Variants in IL6ST observed in about 807,000 individuals in gnomAD.
IL6ST encodes interleukin-6 receptor subunit beta.
In IL6ST, 24 loss-of-function variants were observed where a neutral mutation model predicts 91.3. The observed-to-expected ratio is 0.26, with a 90% CI of 0.19 to 0.37. IL6ST has a LOEUF of 0.37. Among genes scored for constraint, IL6ST ranks in the 10% least tolerant of loss-of-function variants. The pLI is 1.00. For synonymous variants in IL6ST, 351 were observed against 373.6 expected (o/e 0.94, Z 0.70); for missense variants, 914 against 1,078.5 (o/e 0.85, Z 2.14).
chr5:55,962,488 A>G (rs1752377834), intron 7 of IL6ST, among the ~76,000 whole-genome samples: 1 of 152,180 alleles, frequency 6.6e-6, no homozygotes, highest in South Asian at 2.1e-4. Context: ...TCAGTCTTAC[A>G]AGCTCCCTAT....
At chr5:55,991,317 T>C (rs1171837497) in intron 1 of IL6ST, among the ~76,000 whole-genome samples, 2 of 152,218 alleles carry the variant, frequency 1.3e-5, no homozygotes, top group Admixed American at 1.3e-4. Context: ...CATTTTTCCC[T>C]ATCTACAAAC....
At chr5:55,963,810 T>C (rs376643920) in intron 6 of IL6ST, among the ~76,000 whole-genome samples, 4 of 152,170 alleles carry the variant, frequency 2.6e-5, no homozygotes, top group African/African-American at 9.6e-5. Context: ...CATACTGTAA[T>C]TACAATGGTG....
chr5:55,963,221 C>T, intron 7 of IL6ST, 131 bp downstream of exon 7: 1 of 625,878 alleles, frequency 1.6e-6, no homozygotes, highest in Non-Finnish European at 2.8e-6. Flanking sequence ...AAATAACAAC[C>T]CAGAAGAGGT....
chr5:55,990,273 G>T (rs79857189), intron 1 of IL6ST, among the ~76,000 whole-genome samples: 3 of 150,420 alleles, frequency 2.0e-5, no homozygotes, highest in East Asian at 1.9e-4. Context: ...CTAGATAGCC[G>T]CAAAGTTTAA....
chr5:55,994,089 AC>A (rs1343496011), intron 1 of IL6ST: 2 of 142,418 alleles, frequency 1.4e-5, no homozygotes, highest in Non-Finnish European at 3.1e-5. Context: ...CTTATTTTTA[AC>A]CTGTGATTTT....
At chr5:55,989,942 C>T (rs1438376208) in intron 1 of IL6ST, among the ~76,000 whole-genome samples, 1 of 152,030 alleles carries the variant, frequency 6.6e-6, no homozygotes, top group African/African-American at 2.4e-5. Context: ...CTCTGATTAA[C>T]TCACTTTGCA....
chr5:55,972,865 C>T (rs1209826115), intron 3 of IL6ST, among the ~76,000 whole-genome samples: 1 of 151,812 alleles, frequency 6.6e-6, no homozygotes, highest in African/African-American at 2.4e-5. Flanking sequence ...ATTACCCGGG[C>T]GTGGTGACCT....
chr5:55,936,341 G>GTT lies in IL6ST; in HGVS notation c.*4739_*4740dup, dbSNP rs57970223. On this transcript the variant is annotated 3_prime_UTR_variant, in exon 17 of 17. Coordinates refer to ENST00000381298, the MANE Select transcript of IL6ST (RefSeq NM_002184.4). ...ACTTGGGCTCTTGACAACCAAGTAG[G>GTT]TTTTTTTTTTTTTTTTTTTTTTTAA... 1.6e-3 allele frequency: 232 copies of GTT among 149,054 alleles called. 1 individual carries two copies. The highest frequency in any genetic ancestry group is 2.8e-3 in the East Asian group (27 of 9,598). 9.2% of individuals were successfully genotyped at this position (149,054 alleles called of 1,614,324 possible).
At chr5:55,977,682 T>C (rs1370090197) in intron 2 of IL6ST, among the ~76,000 whole-genome samples, 4 of 152,044 alleles carry the variant, frequency 2.6e-5, no homozygotes, top group Non-Finnish European at 5.9e-5. Flanking sequence ...AAAAAGTAGC[T>C]TGGCGTGGTG....
chr5:55,960,673 G>A, intron 7 of IL6ST, 112 bp from the exon 8 acceptor site: 1 of 955,586 alleles, frequency 1.0e-6, no homozygotes. Context: ...TGTTGCCCAG[G>A]TTGGAGTGCA....
chr5:55,969,038 A>G (rs1752800068), intron 4 of IL6ST, among the ~76,000 whole-genome samples: 1 of 152,134 alleles, frequency 6.6e-6, no homozygotes, highest in Admixed American at 6.6e-5. Flanking sequence ...TACTAAAAAT[A>G]TGAAAAATTA....
intron 14 of IL6ST, among the ~76,000 whole-genome samples, chr5:55,950,755 G>A (rs1054649665): frequency 1.3e-5 from 2 of 151,804 alleles, no homozygotes; most frequent in Admixed American, 6.6e-5. Flanking sequence ...GGCCAAGGCA[G>A]AAGGATCACT....
chr5:55,969,423 A>T (rs2111811598), intron 4 of IL6ST, 127 bp downstream of exon 4: 1 of 641,710 alleles, frequency 1.6e-6, no homozygotes, highest in Non-Finnish European at 2.6e-6. Context: ...CTTATTTTTT[A>T]AAAACCAAAC....
intron 6 of IL6ST, among the ~76,000 whole-genome samples, 159 bp downstream of exon 6, chr5:55,963,987 C>T (rs1206829217): frequency 2.6e-5 from 4 of 151,892 alleles, no homozygotes; most frequent in Non-Finnish European, 4.4e-5. Context: ...AATCTAAAAT[C>T]TACATTAATT....
intron 8 of IL6ST, chr5:55,959,705 C>T (rs759686005): frequency 8.7e-7 from 1 of 1,152,616 alleles, no homozygotes; most frequent in South Asian, 1.3e-5. Context: ...AGGTATAATA[C>T]AAGTATATTT....
chr5:55,976,310 T>A lies in IL6ST; in HGVS notation c.-15-17A>T. On this transcript the variant is annotated splice_polypyrimidine_tract_variant and intron_variant, in intron 2 of 16. Transcript: ENST00000381298. ...CGGATATTTCTGCAACAGACACATG[T>A]AATATTACTTTTAATATTTTTTCTC... 6.8e-7 allele frequency: 1 copy of A among 1,464,770 alleles called. No homozygotes were observed. Among genetic ancestry groups the A allele is most frequent in the Non-Finnish European group, 9.3e-7 (1 of 1,070,184 alleles). 90.7% of individuals were successfully genotyped at this position (1,464,770 alleles called of 1,614,324 possible).
chr5:55,990,945 C>T (rs1164469221), intron 1 of IL6ST, among the ~76,000 whole-genome samples: 2 of 148,804 alleles, frequency 1.3e-5, no homozygotes, highest in African/African-American at 5.0e-5. Context: ...TGTGTCCAAG[C>T]GTTCTCATTG....
At chr5:55,962,619 G>A (rs1318265217) in intron 7 of IL6ST, among the ~76,000 whole-genome samples, 1 of 152,118 alleles carries the variant, frequency 6.6e-6, no homozygotes, top group East Asian at 1.9e-4. Flanking sequence ...CTCTTCCACT[G>A]TAGAATAGAG....
chr5:55,993,065 G>A (rs1754421098), intron 1 of IL6ST, among the ~76,000 whole-genome samples: 1 of 152,166 alleles, frequency 6.6e-6, no homozygotes, highest in Admixed American at 6.5e-5. Context: ...TCAAAGAAAC[G>A]GAGAAGCTGT....
Sources: gnomAD v4.1 joint callset for allele counts (sites outside exome capture counted in the v4.1 genomes callset) on GRCh38, gnomAD v4.1.1 for gene constraint, MANE v1.5 for transcripts, NCBI Gene and HGNC (gene_info 2026-07-23, HGNC 2026-07-21) for gene names.